Variants in SRFBP1 observed in about 807,000 individuals in gnomAD.
The protein encoded by SRFBP1 is serum response factor-binding protein 1.
SRFBP1 carries 47 observed loss-of-function variants against 45.5 expected under a neutral mutation model. That is an observed-to-expected ratio of 1.03 (90% CI 0.82 to 1.32). The LOEUF is 1.32. Ranked by LOEUF, SRFBP1 falls within the 40% of genes most tolerant of loss-of-function variation. SRFBP1 has a pLI of 0.00. For synonymous variants in SRFBP1, 203 were observed against 166.3 expected, an observed-to-expected ratio of 1.22 and a Z score of -1.70; for missense variants, 621 against 484.6, an observed-to-expected ratio of 1.28 and a Z score of -2.64.
chr5:121,970,841 A>T (rs1411994432), intron 1 of SRFBP1, among the ~76,000 whole-genome samples: 1 of 152,096 alleles, frequency 6.6e-6, no homozygotes. Context: ...GATCAACTTC[A>T]CAGAATTTAT....
chr5:122,003,858 C>T (rs1455229829), intron 4 of SRFBP1, among the ~76,000 whole-genome samples: 1 of 152,094 alleles, frequency 6.6e-6, no homozygotes, highest in South Asian at 2.1e-4. Flanking sequence ...TGAATGTGTC[C>T]TTTTGGGAAA....
At chr5:121,966,167 A>G (rs1329801749) in intron 1 of SRFBP1, among the ~76,000 whole-genome samples, 2 of 152,194 alleles carry the variant, frequency 1.3e-5, no homozygotes, top group African/African-American at 4.8e-5. Flanking sequence ...TCCTATTTGA[A>G]TACGCTTTAT....
chr5:121,962,884 C>T (rs1196617634), intron 1 of SRFBP1, among the ~76,000 whole-genome samples: 3 of 152,196 alleles, frequency 2.0e-5, no homozygotes, highest in African/African-American at 7.2e-5. Context: ...GTTTAGATTA[C>T]ACACAGTAGT....
At chr5:121,994,418 T>C (rs914447514) in intron 3 of SRFBP1, among the ~76,000 whole-genome samples, 181 bp from the exon 4 acceptor site, 7 of 152,062 alleles carry the variant, frequency 4.6e-5, no homozygotes, top group Non-Finnish European at 8.8e-5. Context: ...ATTACACTAA[T>C]TCACATTCCG....
chr5:122,073,138 A>G (rs528906669), intron 2 of SRFBP1, among the ~76,000 whole-genome samples: 1 of 152,306 alleles, frequency 6.6e-6, no homozygotes, highest in East Asian at 1.9e-4. Flanking sequence ...CAAGATGCCA[A>G]CTGCTGATCC....
Position 122,022,403 on chromosome 5 carries a change from C to T in SRFBP1, c.1101C>T (p.Ser367=). 1 of 1,610,942 alleles carries T rather than the reference C, an allele frequency of 6.2e-7. No individual in the cohort carries two copies. The highest frequency in any genetic ancestry group is 8.5e-7 in the Non-Finnish European group (1 of 1,178,806). ...NFKEQAPKTR[S]LDFPQNEPQI... Reference sequence around the variant, plus strand: ...AAGAACAGGCTCCAAAAACAAGATCCCTAGGTATGTATTCATAGTTGCCTG... The same window carrying T: ...AAGAACAGGCTCCAAAAACAAGATCTCTAGGTATGTATTCATAGTTGCCTG... Residue 367 remains serine, a synonymous_variant, in exon 7 of 8, where the codon TCC becomes TCT. Coordinates refer to ENST00000339397, the MANE Select transcript of SRFBP1 (RefSeq NM_152546.3).
chr5:122,042,133 A>AT (rs1561406118), intron 2 of SRFBP1, among the ~76,000 whole-genome samples: 2 of 151,540 alleles, frequency 1.3e-5, no homozygotes. Flanking sequence ...TGACAACTCT[A>AT]TTTTTTCTGT....
chr5:121,982,174 T>G (rs915981338), intron 3 of SRFBP1, among the ~76,000 whole-genome samples: 3 of 151,992 alleles, frequency 2.0e-5, no homozygotes, highest in Non-Finnish European at 4.4e-5. Context: ...TAACTTCAAA[T>G]TTAATGTTTT....
rs1753511056 is a variant in SRFBP1 at position 122,027,603 on chromosome 5, C to A, written c.*477C>A. 1 of 151,850 alleles carries A rather than the reference C, an allele frequency of 6.6e-6. No individual in the cohort carries two copies. The allele number at this position is 151,850 out of a possible 1,614,324, so 9.4% of individuals were successfully genotyped here. On this transcript the variant is annotated 3_prime_UTR_variant, in exon 8 of 8. Transcript: ENST00000339397. Reference sequence around the variant, plus strand: ...CTTCACTGGTTCAGCTCTGTTGTTTCCTTAAACATAAATGTCAATATATAT... The same window carrying A: ...CTTCACTGGTTCAGCTCTGTTGTTTACTTAAACATAAATGTCAATATATAT...
chr5:121,975,620 T>C (rs892068446), intron 3 of SRFBP1, among the ~76,000 whole-genome samples: 3 of 152,026 alleles, frequency 2.0e-5, no homozygotes, highest in African/African-American at 7.2e-5. Flanking sequence ...GAGTCAAAAT[T>C]GTGCCAAACT....
intron 2 of SRFBP1, among the ~76,000 whole-genome samples, chr5:122,044,652 T>C (rs550314098): frequency 2.6e-5 from 4 of 152,344 alleles, no homozygotes; most frequent in African/African-American, 9.6e-5. Flanking sequence ...CATGTATGTC[T>C]TCTTTTGAAA....
At chr5:121,962,197 C>G (rs181646640) in intron 1 of SRFBP1, 129 bp downstream of exon 1, 1 of 1,172,922 alleles carries the variant, frequency 8.5e-7, no homozygotes, top group Admixed American at 2.1e-5. Context: ...AGGCGGGTTT[C>G]CCGCAACTTG....
At chr5:121,963,245 T>C (rs1751988720) in intron 1 of SRFBP1, among the ~76,000 whole-genome samples, 1 of 152,160 alleles carries the variant, frequency 6.6e-6, no homozygotes, top group African/African-American at 2.4e-5. Flanking sequence ...TGAAATATAT[T>C]CTCTGCTGCC....
At chr5:122,002,246 A>T (rs1394393514) in intron 4 of SRFBP1, among the ~76,000 whole-genome samples, 2 of 152,232 alleles carry the variant, frequency 1.3e-5, no homozygotes, top group African/African-American at 2.4e-5. Flanking sequence ...AGTTAACTAA[A>T]CAAGAATGTA....
chr5:122,019,843 G>T (rs1753266148), intron 5 of SRFBP1, among the ~76,000 whole-genome samples: 1 of 152,012 alleles, frequency 6.6e-6, no homozygotes, highest in East Asian at 1.9e-4. Flanking sequence ...ATAACTCCAA[G>T]ACATGAAGAA....
At position 122,027,169 on chromosome 5, in the gene SRFBP1, TG is replaced by T. The variant is rs1337456644; in HGVS notation, c.*44del. On this transcript the variant is annotated 3_prime_UTR_variant, in exon 8 of 8. Coordinates refer to ENST00000339397, the MANE Select transcript of SRFBP1 (RefSeq NM_152546.3). Reference sequence around the variant, plus strand: ...AAACTTTTCCATCTAAAAAAAAAAATGTTTTTTTTAAGACAGGATCTCATTC... The same window carrying T: ...AAACTTTTCCATCTAAAAAAAAAAATTTTTTTTTAAGACAGGATCTCATTC... 11 of 1,453,214 alleles carry T rather than the reference TG, an allele frequency of 7.6e-6. No homozygotes were observed. The highest frequency in any genetic ancestry group is 4.6e-5 in the East Asian group (2 of 43,236). The allele number at this position is 1,453,214 out of a possible 1,614,324, so 90.0% of individuals were successfully genotyped here.
chr5:122,045,387 C>A (rs943888650), intron 2 of SRFBP1, among the ~76,000 whole-genome samples: 7 of 151,966 alleles, frequency 4.6e-5, no homozygotes, highest in African/African-American at 1.5e-4. Context: ...TCTAATCCTG[C>A]CAAAAATGTC....
intron 4 of SRFBP1, among the ~76,000 whole-genome samples, chr5:122,011,957 A>T (rs902583711): frequency 1.3e-5 from 2 of 152,106 alleles, no homozygotes; most frequent in African/African-American, 4.8e-5. Flanking sequence ...TATTTCATTT[A>T]TTTTCAAAAA....
At chr5:122,077,704 G>A, downstream of SRFBP1, 1 of 1,592,468 alleles carries the variant, frequency 6.3e-7, no homozygotes, top group Admixed American at 1.7e-5. The surrounding 1 kb of genome is among the most constrained non-coding windows in gnomAD (Gnocchi z 4.9). Flanking sequence ...GGTTGTCGCG[G>A]ATCAGCAGGA....
Sources: allele counts gnomAD v4.1 joint callset (sites outside exome capture counted in the v4.1 genomes callset), GRCh38; gene constraint gnomAD v4.1.1; non-coding constraint Gnocchi (gnomAD v3.1); transcripts MANE v1.5; gene names NCBI Gene and HGNC (gene_info 2026-07-23, HGNC 2026-07-21).